The following VDAC1 variants were observed in gnomAD, a reference collection of about 807,000 sequenced individuals.
The protein encoded by VDAC1 is voltage dependent anion channel 1.
Under a neutral mutation model 34.7 loss-of-function variants are expected in VDAC1, and 10 were observed. The ratio of observed to expected loss-of-function variants is 0.29; its 90% CI spans 0.18 to 0.49. VDAC1 has a LOEUF of 0.49. Ranked by LOEUF, VDAC1 falls within the 20% of genes least tolerant of loss-of-function variation. VDAC1 has a pLI of 0.99. For synonymous variants in VDAC1, 130 were observed against 136.0 expected, an observed-to-expected ratio of 0.96 and a Z score of 0.30; for missense variants, 230 against 347.9, an observed-to-expected ratio of 0.66 and a Z score of 2.69.
At chr5:134,031,548 C>G in the VDAC1 span, among the ~76,000 whole-genome samples, 1 of 152,092 alleles carries the variant, frequency 6.6e-6, no homozygotes, top group Non-Finnish European at 1.5e-5. Context: ...TACTCTGGGC[C>G]GGGTACAGTG....
At chr5:134,070,893 C>T in the VDAC1 span, among the ~76,000 whole-genome samples, 1 of 152,224 alleles carries the variant, frequency 6.6e-6, no homozygotes, top group Non-Finnish European at 1.5e-5. Context: ...GGTGCTGGAT[C>T]AGAGGTCTGC....
In VDAC1 at chr5:133,990,869, G is replaced by A. The variant is rs1753078365; in HGVS notation, c.309C>T (p.Phe103=). 1 of 1,560,752 alleles carries A rather than the reference G, an allele frequency of 6.4e-7. No homozygotes were observed. The highest frequency in any genetic ancestry group is 8.7e-7 in the Non-Finnish European group (1 of 1,152,274). The change falls in exon 5 of 9, where the codon TTC becomes TTT. Residue 103 remains phenylalanine, a synonymous_variant. Coordinates refer to ENST00000265333, the MANE Select transcript of VDAC1 (RefSeq NM_003374.3). ...RGLKLTFDSS[F]SPNTGKKNAK... Reference sequence around the variant, plus strand: ...GAAACTCTTACCCAGTGTTAGGTGAGAAGGATGAATCGAAGGTCAGCTTCA... The same window carrying A: ...GAAACTCTTACCCAGTGTTAGGTGAAAAGGATGAATCGAAGGTCAGCTTCA...
upstream of VDAC1, among the ~76,000 whole-genome samples, chr5:134,007,231 C>T (rs1276623133): frequency 7.2e-6 from 1 of 138,846 alleles, no homozygotes; most frequent in Non-Finnish European, 1.5e-5. Flanking sequence ...GCAACAAGAG[C>T]GAAACTCTGC....
At chr5:133,985,363 A>G (rs559691482) in intron 5 of VDAC1, among the ~76,000 whole-genome samples, 1 of 152,284 alleles carries the variant, frequency 6.6e-6, no homozygotes, top group South Asian at 2.1e-4. Flanking sequence ...ATCTCTCAAT[A>G]AGAAAAATCC....
rs1286837420 is a variant in VDAC1, at chr5:133,980,851, C to T, written c.429G>A (p.Val143=). The change falls in exon 6 of 9, where the codon GTG becomes GTA. Residue 143 remains valine (V), a synonymous_variant. Coordinates refer to ENST00000265333, the MANE Select transcript of VDAC1 (RefSeq NM_003374.3). The part of the protein sequence containing the change: ...IAGPSIRGAL[V]LGYEGWLAGY... ...CGGCCAGCCAGCCCTCGTAACCTAG[C>T]ACCAGAGCACCCCGGATGGAAGGCC... 6.2e-7 allele frequency: 1 copy of T among 1,613,760 alleles called. No homozygotes were observed. The highest frequency in any genetic ancestry group is 8.5e-7 in the Non-Finnish European group (1 of 1,179,958).
At chr5:134,004,111 G>A (rs938457686) in intron 1 of VDAC1, among the ~76,000 whole-genome samples, 1 of 152,178 alleles carries the variant, frequency 6.6e-6, no homozygotes, top group Admixed American at 6.5e-5. Context: ...GGTGCCGGGC[G>A]CCAGCTTCTG....
At chr5:133,985,339 G>A (rs1752866279) in intron 5 of VDAC1, among the ~76,000 whole-genome samples, 1 of 152,180 alleles carries the variant, frequency 6.6e-6, no homozygotes, top group Non-Finnish European at 1.5e-5. Flanking sequence ...AAGGAAAGGA[G>A]TAACAACCAA....
chr5:134,113,347 C>T, the VDAC1 span, among the ~76,000 whole-genome samples: 1 of 152,332 alleles, frequency 6.6e-6, no homozygotes, highest in Middle Eastern at 3.4e-3. Flanking sequence ...GTCCGAGACA[C>T]CCGGCTGGGC....
chr5:134,054,330 C>A, the VDAC1 span, among the ~76,000 whole-genome samples: 1 of 152,172 alleles, frequency 6.6e-6, no homozygotes, highest in Admixed American at 6.6e-5. Flanking sequence ...TCAGGGCTCT[C>A]CTGGCTGGAG....
At chr5:134,101,642 TA>T in the VDAC1 span, among the ~76,000 whole-genome samples, 1 of 152,156 alleles carries the variant, frequency 6.6e-6, no homozygotes, top group Non-Finnish European at 1.5e-5. Flanking sequence ...AAATGTGAGT[TA>T]ACATTGTTCC....
the VDAC1 span, among the ~76,000 whole-genome samples, chr5:134,023,255 C>T: frequency 1.3e-5 from 2 of 152,000 alleles, no homozygotes; most frequent in Admixed American, 1.3e-4. Flanking sequence ...TGTTCTCACT[C>T]ATAAGTGGGA....
At chr5:133,996,561 C>T (rs1753320540) in intron 1 of VDAC1, among the ~76,000 whole-genome samples, 1 of 151,880 alleles carries the variant, frequency 6.6e-6, no homozygotes. Flanking sequence ...GCCCCCACCC[C>T]ACCCTACCCC....
At chr5:134,069,546 C>T in the VDAC1 span, among the ~76,000 whole-genome samples, 6 of 152,198 alleles carry the variant, frequency 3.9e-5, no homozygotes, top group African/African-American at 1.4e-4. Flanking sequence ...CCCAGGCCTC[C>T]TGAATGGCAT....
upstream of VDAC1, among the ~76,000 whole-genome samples, chr5:134,007,258 G>GA (rs1362840258): frequency 4.8e-3 from 687 of 144,412 alleles, 9 homozygotes; most frequent in African/African-American, 0.017. Flanking sequence ...AAAAAAAAAA[G>GA]AAAAAAGAGT....
At chr5:133,984,918 A>ACC (rs1440914737) in intron 5 of VDAC1, among the ~76,000 whole-genome samples, 7 of 152,348 alleles carry the variant, frequency 4.6e-5, no homozygotes, top group African/African-American at 1.7e-4. Context: ...CCCGGGTGAC[A>ACC]GAGTGAGACT....
the VDAC1 span, among the ~76,000 whole-genome samples, chr5:134,099,929 G>T: frequency 8.5e-5 from 13 of 152,200 alleles, 1 homozygote; most frequent in Admixed American, 3.3e-4. Flanking sequence ...CAGGCCCAGG[G>T]TTGAGACAGA....
the VDAC1 span, among the ~76,000 whole-genome samples, chr5:134,110,674 A>G: frequency 6.6e-6 from 1 of 152,226 alleles, no homozygotes; most frequent in African/African-American, 2.4e-5. Flanking sequence ...AAGCCCCAAC[A>G]GGATGCCAGG....
chr5:133,998,701 T>C (rs189987379), intron 1 of VDAC1, among the ~76,000 whole-genome samples: 1 of 152,336 alleles, frequency 6.6e-6, no homozygotes, highest in East Asian at 1.9e-4. Flanking sequence ...GGAAGAGTTA[T>C]CAGGCAAGGT....
chr5:133,979,802 A>G (rs1175445981), intron 6 of VDAC1, among the ~76,000 whole-genome samples: 1 of 152,174 alleles, frequency 6.6e-6, no homozygotes, highest in Non-Finnish European at 1.5e-5. Flanking sequence ...CCATGACGAC[A>G]GTCAGAATAT....
Sources: gnomAD v4.1 joint callset for allele counts (sites outside exome capture counted in the v4.1 genomes callset) on GRCh38, gnomAD v4.1.1 for gene constraint, MANE v1.5 for transcripts, NCBI Gene and HGNC (gene_info 2026-07-23, HGNC 2026-07-21) for gene names.